STPG2: variants seen among roughly 807,000 people sequenced by gnomAD.
STPG2 encodes the protein sperm tail PG-rich repeat containing 2, also known as sperm-tail PG-rich repeat-containing protein 2.
STPG2 carries 56 observed loss-of-function variants against 54.2 expected under a neutral mutation model. The ratio of observed to expected loss-of-function variants is 1.03; its 90% CI spans 0.83 to 1.29. STPG2 has a LOEUF of 1.29. STPG2 is among the 50% of genes most tolerant of loss of function. The pLI is 0.00. For synonymous variants in STPG2, 200 were observed against 181.8 expected (o/e 1.10, Z -0.81); for missense variants, 596 against 544.9 (o/e 1.09, Z -0.93).
At chr4:97,449,114 A>G (rs1382173515) in intron 4 of STPG2, among the ~76,000 whole-genome samples, 6 of 152,104 alleles carry the variant, frequency 3.9e-5, no homozygotes, top group Non-Finnish European at 7.4e-5. Flanking sequence ...ACAAGTCATG[A>G]ACTTAATGCA....
chr4:97,930,719 T>C (rs1050044341), intron 8 of STPG2, among the ~76,000 whole-genome samples: 66 of 152,326 alleles, frequency 4.3e-4, no homozygotes, highest in African/African-American at 1.6e-3. Context: ...GTGAAGAATG[T>C]CACTGGTAGT....
At chr4:97,667,085 GT>G (rs1389184620) in intron 10 of STPG2, among the ~76,000 whole-genome samples, 1 of 152,182 alleles carries the variant, frequency 6.6e-6, no homozygotes, top group African/African-American at 2.4e-5. Context: ...GGTGGTGGTA[GT>G]TGTGGTAAAT....
chr4:97,532,273 A>G (rs1235398836), intron 4 of STPG2, among the ~76,000 whole-genome samples: 2 of 152,136 alleles, frequency 1.3e-5, no homozygotes, highest in Non-Finnish European at 2.9e-5. Flanking sequence ...CAGATTTCTT[A>G]AATTTTACTA....
intron 4 of STPG2, 138 bp downstream of exon 4, chr4:98,109,055 C>G: frequency 2.0e-6 from 1 of 502,970 alleles, no homozygotes; most frequent in Non-Finnish European, 3.5e-6. Context: ...CTTTCATATA[C>G]ATTACACCAA....
At chr4:97,480,505 T>A (rs181561189) in intron 4 of STPG2, among the ~76,000 whole-genome samples, 1 of 151,668 alleles carries the variant, frequency 6.6e-6, no homozygotes, top group Non-Finnish European at 1.5e-5. Context: ...AAAAACATTA[T>A]AAAAAACATA....
intron 5 of STPG2, among the ~76,000 whole-genome samples, chr4:98,070,471 C>T (rs910621167): frequency 5.3e-5 from 8 of 152,018 alleles, no homozygotes; most frequent in African/African-American, 1.9e-4. Context: ...CAATGATGCC[C>T]TCTCTCACCA....
intron 8 of STPG2, among the ~76,000 whole-genome samples, chr4:97,934,365 CT>C (rs1420086618): frequency 6.6e-6 from 1 of 152,066 alleles, no homozygotes; most frequent in African/African-American, 2.4e-5. Context: ...CTTCTCTTAC[CT>C]GATTGCCTTG....
At chr4:97,696,562 G>T (rs551676604) in intron 10 of STPG2, among the ~76,000 whole-genome samples, 1 of 152,280 alleles carries the variant, frequency 6.6e-6, no homozygotes, top group South Asian at 2.1e-4. Context: ...CACAGCAAAA[G>T]AAATAATCAG....
At chr4:97,650,327 A>G (rs1217794565) in intron 10 of STPG2, among the ~76,000 whole-genome samples, 7 of 152,166 alleles carry the variant, frequency 4.6e-5, no homozygotes, top group African/African-American at 1.4e-4. Context: ...CAAACTCTGT[A>G]AAATATTTGA....
At chr4:98,141,561 T>C (rs866672865) in intron 1 of STPG2, among the ~76,000 whole-genome samples, 4 of 152,182 alleles carry the variant, frequency 2.6e-5, no homozygotes, top group Non-Finnish European at 4.4e-5. Flanking sequence ...AATTTACCTA[T>C]AGCCTGGAAG....
chr4:98,024,523 T>C (rs937965886), intron 5 of STPG2, among the ~76,000 whole-genome samples: 4 of 152,330 alleles, frequency 2.6e-5, no homozygotes, highest in South Asian at 2.1e-4. Flanking sequence ...CAATGATAAA[T>C]ATAACCAAAT....
intron 4 of STPG2, among the ~76,000 whole-genome samples, chr4:97,447,064 T>C (rs1474902136): frequency 2.0e-5 from 3 of 152,308 alleles, no homozygotes; most frequent in Non-Finnish European, 2.9e-5. Flanking sequence ...AAAATGCTGA[T>C]AGTGATGTGG....
chr4:97,769,415 A>C lies in STPG2; in HGVS notation c.1205-56601T>G, dbSNP rs905277221. On this transcript the variant is annotated intron_variant, in intron 9 of 10. Transcript: ENST00000295268. Reference sequence around the variant, plus strand: ...CAGTTGAACTTCCTCATCAACCCCCAGCTTTTCCCAGACAAAAGGGCAATA... The same window carrying C: ...CAGTTGAACTTCCTCATCAACCCCCCGCTTTTCCCAGACAAAAGGGCAATA... Among the ~76,000 whole-genome samples the C allele has an allele frequency of 1.1e-4, 16 of 152,138 alleles. 1 individual carries two copies. The highest frequency in any genetic ancestry group is 1.0e-3 in the Admixed American group (16 of 15,264).
At chr4:97,777,460 T>C (rs1241717739) in intron 9 of STPG2, among the ~76,000 whole-genome samples, 1 of 152,194 alleles carries the variant, frequency 6.6e-6, no homozygotes, top group Non-Finnish European at 1.5e-5. Context: ...ATCAGGAATC[T>C]CTCATACAGA....
intron 8 of STPG2, among the ~76,000 whole-genome samples, chr4:97,876,218 T>C (rs1488676221): frequency 2.6e-5 from 4 of 152,088 alleles, no homozygotes; most frequent in Admixed American, 2.6e-4. Context: ...AAGTATGCAC[T>C]ATGAGACTCA....
intron 5 of STPG2, among the ~76,000 whole-genome samples, chr4:97,989,811 C>A (rs1399799255): frequency 6.6e-6 from 1 of 152,210 alleles, no homozygotes; most frequent in Admixed American, 6.5e-5. Context: ...ATGGGCTTCA[C>A]CTACCAGGTG....
intron 10 of STPG2, among the ~76,000 whole-genome samples, chr4:97,676,747 A>G (rs931544714): frequency 2.6e-5 from 4 of 152,146 alleles, no homozygotes; most frequent in African/African-American, 7.2e-5. Context: ...ATATTGGAGG[A>G]TGTATTCTCA....
At chr4:97,824,888 C>G (rs1445981268) in intron 9 of STPG2, among the ~76,000 whole-genome samples, 1 of 152,126 alleles carries the variant, frequency 6.6e-6, no homozygotes. Context: ...ATGACATTTA[C>G]CATTTGTTAA....
intron 8 of STPG2, among the ~76,000 whole-genome samples, chr4:97,847,952 A>G (rs1729008487): frequency 6.6e-6 from 1 of 152,120 alleles, no homozygotes; most frequent in Non-Finnish European, 1.5e-5. Flanking sequence ...CAAAATACTT[A>G]TTACGTGGCA....
Sources: allele counts gnomAD v4.1 joint callset (sites outside exome capture counted in the v4.1 genomes callset), GRCh38; gene constraint gnomAD v4.1.1; transcripts MANE v1.5; gene names NCBI Gene and HGNC (gene_info 2026-07-23, HGNC 2026-07-21).